The following TCEANC2 variants were observed in gnomAD, a reference collection of about 807,000 sequenced individuals.
TCEANC2 encodes transcription elongation factor A N-terminal and central domain-containing protein 2.
Under a neutral mutation model 22.8 loss-of-function variants are expected in TCEANC2, and 20 were observed. The observed-to-expected ratio is 0.88, with a 90% CI of 0.62 to 1.28. TCEANC2 has a LOEUF of 1.28. TCEANC2 is among the 50% of genes most tolerant of loss of function. The pLI, the probability that TCEANC2 is intolerant of heterozygous loss-of-function variation, is 0.00. For missense variants in TCEANC2, 251 were observed against 249.7 expected, an observed-to-expected ratio of 1.01 and a Z score of -0.03; for synonymous variants, 84 against 95.5, an observed-to-expected ratio of 0.88 and a Z score of 0.70.
In TCEANC2 at chr1:54,054,638, A is replaced by G. The variant is rs544802709; in HGVS notation, c.102+114A>G. 8.5e-6 allele frequency: 9 copies of G among 1,053,150 alleles called. No individual in the cohort carries two copies. In the South Asian group the frequency reaches 1.2e-4, roughly 14 times the overall value. The allele number at this position is 1,053,150 out of a possible 1,614,324, so 65.2% of individuals were successfully genotyped here. On this transcript the variant is annotated intron_variant, in intron 2 of 4. Coordinates refer to ENST00000234827, the MANE Select transcript of TCEANC2 (RefSeq NM_153035.3). ...TATTTCTTGTTATGCCTCCTCCTCA[A>G]AGTGTACCTGACCACTCCTCCTTTG...
At chr1:54,083,120 G>A (rs1658276456) in intron 3 of TCEANC2, among the ~76,000 whole-genome samples, 1 of 152,190 alleles carries the variant, frequency 6.6e-6, no homozygotes, top group Non-Finnish European at 1.5e-5. Context: ...AAAATGGTGG[G>A]TGGGTGGTGG....
At chr1:54,084,532 T>A (rs1459691225) in intron 3 of TCEANC2, among the ~76,000 whole-genome samples, 1 of 152,128 alleles carries the variant, frequency 6.6e-6, no homozygotes, top group African/African-American at 2.4e-5. Context: ...CATCTCTGTA[T>A]CCTCAGCACC....
In TCEANC2 at chr1:54,102,451, C is replaced by T. The variant is rs1291257518; in HGVS notation, c.*5978C>T. On this transcript the variant is annotated 3_prime_UTR_variant, in exon 5 of 5. Transcript: ENST00000234827. ...TTCTGGTAGAGACAGATCATCAGACCATGGATCATCAAGTTGACCATGTGA... is the reference window on the plus strand; with the variant it reads ...TTCTGGTAGAGACAGATCATCAGACTATGGATCATCAAGTTGACCATGTGA... 1 of 152,182 alleles carries T rather than the reference C, an allele frequency of 6.6e-6. No homozygotes were observed. Among genetic ancestry groups the T allele is most frequent in the East Asian group, 1.9e-4 (1 of 5,202 alleles). 9.4% of individuals were successfully genotyped at this position (152,182 alleles called of 1,614,324 possible).
downstream of TCEANC2, among the ~76,000 whole-genome samples, chr1:54,108,340 G>A (rs1463076843): frequency 6.6e-6 from 1 of 152,128 alleles, no homozygotes; most frequent in Non-Finnish European, 1.5e-5. Context: ...CTCACCCCCA[G>A]TACCCCAGAA....
At chr1:54,089,451 A>G (rs1658401282) in intron 4 of TCEANC2, among the ~76,000 whole-genome samples, 1 of 152,190 alleles carries the variant, frequency 6.6e-6, no homozygotes, top group Non-Finnish European at 1.5e-5. Flanking sequence ...AGATGATGTT[A>G]GTGGTTTGAA....
At chr1:54,072,585 C>T (rs760059833) in intron 3 of TCEANC2, among the ~76,000 whole-genome samples, 7 of 151,748 alleles carry the variant, frequency 4.6e-5, no homozygotes, top group South Asian at 4.2e-4. Context: ...TTAGTAGAGA[C>T]GGGGTTTCAC....
chr1:54,104,805 G>T lies in TCEANC2; in HGVS notation c.*8332G>T, dbSNP rs1312927867. Reference sequence around the variant, plus strand: ...AGTCCACCTGCCTCAGCTTCCCAAAGTGCTGGGATTACAGGCGTGAGCCAC... The same window carrying T: ...AGTCCACCTGCCTCAGCTTCCCAAATTGCTGGGATTACAGGCGTGAGCCAC... On this transcript the variant is annotated 3_prime_UTR_variant, in exon 5 of 5. Coordinates refer to ENST00000234827, the MANE Select transcript of TCEANC2 (RefSeq NM_153035.3). 2.5e-6 allele frequency: 1 copy of T among 401,304 alleles called. No homozygotes were observed. Among genetic ancestry groups the T allele is most frequent in the South Asian group, 1.8e-5 (1 of 56,094 alleles). 24.9% of individuals were successfully genotyped at this position (401,304 alleles called of 1,614,324 possible).
downstream of TCEANC2, among the ~76,000 whole-genome samples, chr1:54,110,060 A>G (rs1189719143): frequency 6.6e-6 from 1 of 152,184 alleles, no homozygotes; most frequent in African/African-American, 2.4e-5. Flanking sequence ...CATCAAAATC[A>G]TCAAAGCCCC....
intron 2 of TCEANC2, among the ~76,000 whole-genome samples, chr1:54,064,220 TAAG>T (rs935416564): frequency 1.3e-5 from 2 of 152,194 alleles, no homozygotes; most frequent in Non-Finnish European, 2.9e-5. Context: ...GAAGTAGAGA[TAAG>T]AAAACAATCT....
At chr1:54,085,393 A>G (rs1230596367) in intron 3 of TCEANC2, among the ~76,000 whole-genome samples, 1 of 152,218 alleles carries the variant, frequency 6.6e-6, no homozygotes, top group Non-Finnish European at 1.5e-5. Flanking sequence ...TCTCAAATAA[A>G]AATTTTTTTT....
At chr1:54,087,444 A>G (rs146086003) in intron 3 of TCEANC2, among the ~76,000 whole-genome samples, 60 of 152,270 alleles carry the variant, frequency 3.9e-4, no homozygotes, top group African/African-American at 1.4e-3. Flanking sequence ...TTGCTGAGGT[A>G]TTTTAAAGTA....
intron 3 of TCEANC2, among the ~76,000 whole-genome samples, chr1:54,072,356 C>A (rs915171561): frequency 6.6e-6 from 1 of 151,784 alleles, no homozygotes; most frequent in Non-Finnish European, 1.5e-5. Context: ...ATTTCAATAA[C>A]TGTTTTTCAT....
intron 3 of TCEANC2, among the ~76,000 whole-genome samples, chr1:54,080,155 T>C (rs1276759601): frequency 2.0e-5 from 3 of 151,244 alleles, no homozygotes; most frequent in African/African-American, 7.3e-5. Flanking sequence ...TCTTTTTTTT[T>C]TTTTTTTTGA....
At chr1:54,089,350 C>A (rs184053798) in intron 4 of TCEANC2, among the ~76,000 whole-genome samples, 1 of 152,176 alleles carries the variant, frequency 6.6e-6, no homozygotes, top group East Asian at 1.9e-4. Flanking sequence ...ACTCAGATCC[C>A]CCATTTTTTG....
intron 2 of TCEANC2, among the ~76,000 whole-genome samples, chr1:54,064,722 C>T (rs1167151576): frequency 9.5e-6 from 1 of 105,664 alleles, no homozygotes; most frequent in Non-Finnish European, 1.8e-5. Context: ...TTTTGGGGGA[C>T]GGAGTCTCAC....
intron 3 of TCEANC2, among the ~76,000 whole-genome samples, chr1:54,069,625 CTT>C (rs1658020529): frequency 6.8e-6 from 1 of 147,000 alleles, no homozygotes; most frequent in Admixed American, 6.8e-5. Context: ...AAAAAAGAAA[CTT>C]AGAGTTTGGT....
chr1:54,054,784 A>G (rs767562218), intron 2 of TCEANC2, among the ~76,000 whole-genome samples: 9 of 152,136 alleles, frequency 5.9e-5, no homozygotes, highest in African/African-American at 1.2e-4. Context: ...CTTCGTTGTT[A>G]TTCTTTTGCA....
At position 54,069,078 on chromosome 1, in the gene TCEANC2, A is replaced by T. The variant is rs543920124; in HGVS notation, c.244+181A>T. ...CAGGCCAATACCTTGGTAATATATT[A>T]AAAAAATTATCAGAAAAATGAAATA... On this transcript the variant is annotated intron_variant, in intron 3 of 4. Coordinates refer to ENST00000234827, the MANE Select transcript of TCEANC2 (RefSeq NM_153035.3). Among the ~76,000 whole-genome samples, 27 of 152,282 alleles carry T rather than the reference A, an allele frequency of 1.8e-4. 1 individual carries two copies. The highest frequency in any genetic ancestry group is 5.1e-4 in the African/African-American group (21 of 41,572).
At chr1:54,110,765 T>C (rs1402866728), downstream of TCEANC2, among the ~76,000 whole-genome samples, 1 of 152,160 alleles carries the variant, frequency 6.6e-6, no homozygotes, top group African/African-American at 2.4e-5. Flanking sequence ...CTCCAGCCTC[T>C]CTGGTCTTCT....
Sources: allele counts gnomAD v4.1 joint callset (sites outside exome capture counted in the v4.1 genomes callset), GRCh38; gene constraint gnomAD v4.1.1; transcripts MANE v1.5; gene names NCBI Gene and HGNC (gene_info 2026-07-23, HGNC 2026-07-21).